The following ADCYAP1 variants were observed in gnomAD, a reference collection of about 807,000 sequenced individuals.
ADCYAP1 encodes the protein pituitary adenylate cyclase-activating polypeptide.
In ADCYAP1, 6 loss-of-function variants were observed where a neutral mutation model predicts 18.5. The ratio of observed to expected loss-of-function variants is 0.32; its 90% CI spans 0.18 to 0.64. The LOEUF is 0.64. Among genes scored for constraint, ADCYAP1 ranks in the 30% least tolerant of loss-of-function variants. The probability of loss-of-function intolerance (pLI) is 0.77; values close to 1 mark genes in which losing one functional copy is unlikely to be tolerated. For synonymous variants in ADCYAP1, 136 were observed against 113.9 expected (o/e 1.19, Z -1.24); for missense variants, 314 against 253.6 (o/e 1.24, Z -1.62).
rs748968090 is a variant in ADCYAP1, at chr18:908,245, G to T, written c.243-20G>T. ...GGACAGAAACAGTGACCCTGGGCGC[G>T]CACTTTGCCTCCCCGTTAGAGATGT... On this transcript the variant is annotated intron_variant, in intron 3 of 4. Coordinates refer to ENST00000450565, the MANE Select transcript of ADCYAP1 (RefSeq NM_001099733.2). The T allele has an allele frequency of 1.3e-6, 2 of 1,599,822 alleles. No homozygotes were observed. The highest frequency in any genetic ancestry group is 1.7e-6 in the Non-Finnish European group (2 of 1,170,268).
intron 2 of ADCYAP1, chr18:906,614 G>C (rs1311959132): frequency 6.6e-6 from 1 of 152,322 alleles, no homozygotes; most frequent in Non-Finnish European, 1.5e-5. Context: ...CGAGGCGTGC[G>C]GAATGATGCG....
chr18:909,212 C>G (rs1362076919), intron 4 of ADCYAP1, among the ~76,000 whole-genome samples: 1 of 152,214 alleles, frequency 6.6e-6, no homozygotes, highest in Non-Finnish European at 1.5e-5. Flanking sequence ...ATCCCGGGCC[C>G]CCTCCGCAGG....
intron 2 of ADCYAP1, among the ~76,000 whole-genome samples, chr18:906,977 C>T (rs1018615579): frequency 6.6e-6 from 1 of 152,244 alleles, no homozygotes; most frequent in Non-Finnish European, 1.5e-5. Context: ...TCCCGTGTGC[C>T]TGGCACTTTC....
chr18:909,429 G>T lies in ADCYAP1; in HGVS notation c.342-17G>T. On this transcript the variant is annotated splice_polypyrimidine_tract_variant and intron_variant, in intron 4 of 4. Transcript: ENST00000450565. ...TCTCCCGCCCCGCCACCCTCTTCCC[G>T]ACCCCTTTGCTTGCAGTGGGAGCCT... 1 of 1,605,464 alleles carries T rather than the reference G, an allele frequency of 6.2e-7. No homozygotes were observed. Among genetic ancestry groups the T allele is most frequent in the Non-Finnish European group, 8.5e-7 (1 of 1,176,040 alleles).
chr18:906,525 A>T (rs1273099997), intron 2 of ADCYAP1: 2 of 152,446 alleles, frequency 1.3e-5, no homozygotes, highest in Non-Finnish European at 2.9e-5. Context: ...GGCTCGAGGC[A>T]GGGCAATATC....
chr18:907,875 G>A, intron 3 of ADCYAP1, 85 bp downstream of exon 3: 1 of 1,283,444 alleles, frequency 7.8e-7, no homozygotes, highest in Non-Finnish European at 9.7e-7. Flanking sequence ...GACCCACCCA[G>A]GATTTTTTTT....
At chr18:908,169 G>A in intron 3 of ADCYAP1, 96 bp from the exon 4 acceptor site, 2 of 1,131,204 alleles carry the variant, frequency 1.8e-6, no homozygotes, top group South Asian at 1.5e-5. Flanking sequence ...CAGCCTCCCC[G>A]GCCGCCGAGG....
rs1316293702 is a variant in ADCYAP1 at position 907,776 on chromosome 18, C to T, written c.228C>T (p.Arg76=). The T allele has an allele frequency of 6.9e-7, 1 of 1,448,662 alleles. No individual in the cohort carries two copies. 89.7% of individuals were successfully genotyped at this position (1,448,662 alleles called of 1,614,324 possible). The change falls in exon 3 of 5, where the codon CGC becomes CGT. Residue 76 remains arginine, a synonymous_variant. Coordinates refer to ENST00000450565, the MANE Select transcript of ADCYAP1 (RefSeq NM_001099733.2). ...CGCGCGCCGCCGCCGCCTGGTACCG[C>T]CCGGCCGGGAGAAGGTGAGATTCGC... The part of the protein sequence containing the change: ...SAPRAAAAWY[R]PAGRRDVAHG...
At chr18:904,814 C>CCCCTTCTCTCCGTGTCACGCT (rs1200741012), upstream of ADCYAP1, 5 of 1,286,296 alleles carry the variant, frequency 3.9e-6, no homozygotes, top group South Asian at 6.2e-5. Flanking sequence ...CTCTCTGCGC[C>CCCCTTCTCTCCGTGTCACGCT]CCCTTCTCTC....
Position 907,641 on chromosome 18 carries a change from T to C in ADCYAP1, c.111-18T>C. ...GAACTTGCACTGACCACACCTTCTG[T>C]CCCCGGCCACCCCGCAGGCCAGAGG... On this transcript the variant is annotated intron_variant, in intron 2 of 4. Coordinates refer to ENST00000450565, the MANE Select transcript of ADCYAP1 (RefSeq NM_001099733.2). 1 of 1,578,842 alleles carries C rather than the reference T, an allele frequency of 6.3e-7. No individual in the cohort carries two copies. The highest frequency in any genetic ancestry group is 8.5e-7 in the Non-Finnish European group (1 of 1,171,076).
At position 905,424 on chromosome 18, in the gene ADCYAP1, T is replaced by C; in HGVS notation, c.38T>C (p.Val13Ala). 2 of 1,612,816 alleles carry C rather than the reference T, an allele frequency of 1.2e-6. No individual in the cohort carries two copies. Among genetic ancestry groups the C allele is most frequent in the African/African-American group, 1.3e-5 (1 of 75,016 alleles). ...AGCGGAGCGAGGCTGGCCCTGCTGG[T>C]CTATGGGATAATCATGCACAGCAGC... ...MCSGARLALLVYGIIMHSSVY... is the reference protein window; with the variant it reads ...MCSGARLALLAYGIIMHSSVY... The change falls in exon 2 of 5, where the codon GTC becomes GCC. Residue 13 changes from valine (V) to alanine (A), a missense_variant. Transcript: ENST00000450565.
chr18:905,224 A>T (rs1436826435), intron 1 of ADCYAP1, 162 bp from the exon 2 acceptor site: 6 of 1,458,732 alleles, frequency 4.1e-6, no homozygotes, highest in Non-Finnish European at 5.4e-6. Context: ...ATAGCAAGCA[A>T]GAAGTGGCAG....
At chr18:904,417 T>C, upstream of ADCYAP1, 1 of 1,276,750 alleles carries the variant, frequency 7.8e-7, no homozygotes, top group Non-Finnish European at 1.0e-6. Flanking sequence ...CAAAATATTC[T>C]GTACTTAAAG....
In ADCYAP1 at chr18:909,519, G is replaced by C; in HGVS notation, c.415G>C (p.Asp139His). 4 of 1,614,072 alleles carry C rather than the reference G, an allele frequency of 2.5e-6. No homozygotes were observed. The highest frequency in any genetic ancestry group is 3.4e-6 in the Non-Finnish European group (4 of 1,180,020). Residue 139 changes from aspartate to histidine, a missense_variant, in exon 5 of 5, where the codon GAC (aspartate) becomes CAC (histidine). Physicochemically the swap from Asp to His is moderately conservative, Grantham distance 81 (BLOSUM62 -1). Transcript: ENST00000450565. ...GCGCCACTCGGACGGGATCTTCACG[G>C]ACAGCTACAGCCGCTACCGGAAACA... ...SKRHSDGIFTDSYSRYRKQMA... is the reference protein window; with the variant it reads ...SKRHSDGIFTHSYSRYRKQMA...
At chr18:906,276 C>G (rs568039093) in intron 2 of ADCYAP1, 2 of 152,374 alleles carry the variant, frequency 1.3e-5, no homozygotes, top group Non-Finnish European at 2.9e-5. Context: ...AACCGGCAGG[C>G]GCGGCCCAGG....
chr18:905,652 C>A, intron 2 of ADCYAP1, 156 bp downstream of exon 2: 1 of 909,034 alleles, frequency 1.1e-6, no homozygotes, highest in Non-Finnish European at 1.6e-6. Context: ...GACAGCGGGT[C>A]CCCATTCTAG....
rs966506984 is a variant in ADCYAP1, at chr18:907,729, G to A, written c.181G>A (p.Ala61Thr). The change falls in exon 3 of 5, where the codon GCA (alanine) becomes ACA (threonine). Residue 61 changes from alanine to threonine, a missense_variant. Coordinates refer to ENST00000450565, the MANE Select transcript of ADCYAP1 (RefSeq NM_001099733.2). ...PDFDGSEPPG[A>T]GSPASAPRAA... ...CTTCGATGGCTCGGAGCCGCCGGGC[G>A]CAGGGAGCCCCGCCTCCGCGCCGCG... is the stretch of plus-strand genomic sequence containing the variant. The A allele has an allele frequency of 1.3e-6, 2 of 1,529,748 alleles. No individual in the cohort carries two copies. The highest frequency in any genetic ancestry group is 1.4e-5 in the African/African-American group (1 of 71,296). The allele number at this position is 1,529,748 out of a possible 1,614,324, so 94.8% of individuals were successfully genotyped here. A position where few individuals can be genotyped will look rare whatever the true frequency, so the allele number is the denominator to read the frequency against.
Position 905,649 on chromosome 18 carries a change from G to A in ADCYAP1, c.110+153G>A. ...CTCCGCCAGCCTCGGCTGGACAGCG[G>A]GTCCCCATTCTAGCCGAGGGTCTGG... On this transcript the variant is annotated intron_variant, in intron 2 of 4. Coordinates refer to ENST00000450565, the MANE Select transcript of ADCYAP1 (RefSeq NM_001099733.2). 3 of 937,814 alleles carry A rather than the reference G, an allele frequency of 3.2e-6. No individual in the cohort carries two copies. The South Asian group carries it at 5.1e-5, about 16-fold the overall frequency. 58.1% of individuals were successfully genotyped at this position (937,814 alleles called of 1,614,324 possible). A position where few individuals can be genotyped will look rare whatever the true frequency, so the allele number is the denominator to read the frequency against.
At chr18:908,593 C>T (rs191294273) in intron 4 of ADCYAP1, among the ~76,000 whole-genome samples, 1 of 152,160 alleles carries the variant, frequency 6.6e-6, no homozygotes, top group East Asian at 1.9e-4. Flanking sequence ...GAGTTTGATC[C>T]GTTTTGAATG....
Sources: allele counts gnomAD v4.1 joint callset (sites outside exome capture counted in the v4.1 genomes callset), GRCh38; gene constraint gnomAD v4.1.1; transcripts MANE v1.5; gene names NCBI Gene and HGNC (gene_info 2026-07-23, HGNC 2026-07-21).